Variants in BOLL observed in about 807,000 individuals in gnomAD.
The protein encoded by BOLL is boule RNA binding protein.
In BOLL, 23 loss-of-function variants were observed where a neutral mutation model predicts 44.4. The ratio of observed to expected loss-of-function variants is 0.52; its 90% confidence interval spans 0.37 to 0.73. BOLL has a LOEUF of 0.73. BOLL is among the 30% of genes least tolerant of loss of function. The pLI is 0.00. For synonymous variants in BOLL, 97 were observed against 110.8 expected, an observed-to-expected ratio of 0.88 and a Z score of 0.78; for missense variants, 287 against 338.3, an observed-to-expected ratio of 0.85 and a Z score of 1.19.
intron 9 of BOLL, among the ~76,000 whole-genome samples, chr2:197,744,986 T>C (rs1292874835): frequency 6.6e-6 from 1 of 152,122 alleles, no homozygotes; most frequent in African/African-American, 2.4e-5. Flanking sequence ...GAAATAACCT[T>C]GGACAAGACT....
At chr2:197,750,616 A>G (rs910707353) in intron 9 of BOLL, among the ~76,000 whole-genome samples, 5 of 152,252 alleles carry the variant, frequency 3.3e-5, no homozygotes, top group African/African-American at 1.2e-4. Flanking sequence ...ATATATATGC[A>G]CCCAATACAG....
At chr2:197,784,393 T>TATACATAC (rs1401444402) in intron 1 of BOLL, among the ~76,000 whole-genome samples, 12 of 196 alleles carry the variant, frequency 0.061, no homozygotes, top group Admixed American at 0.1. Flanking sequence ...GTCTAATACA[T>TATACATAC]ATATATATAT....
Position 197,784,391 on chromosome 2 carries a change from C to CATACATATAT in BOLL, c.-16+664_-16+665insATATATGTAT, listed in dbSNP as rs1305139578. On this transcript the variant is annotated intron_variant, in intron 1 of 10. Transcript: ENST00000392296. ...AATACAGTATAACAGCAGTCTAATACATATATATATATATATATATATATA... is the reference window on the plus strand; with the variant it reads ...AATACAGTATAACAGCAGTCTAATACATACATATATATATATATATATATATATATATATA... 6.7e-4 allele frequency among the ~76,000 whole-genome samples: 37 copies of CATACATATAT among 54,998 alleles called. 3 individuals carry two copies. The highest frequency in any genetic ancestry group is 3.1e-3 in the African/African-American group (36 of 11,754). 36.1% of individuals were successfully genotyped at this position (54,998 alleles called of 152,430 possible). A position where few individuals can be genotyped will look rare whatever the true frequency, so the allele number is the denominator to read the frequency against.
chr2:197,779,828 T>C (rs1019554106), intron 2 of BOLL, among the ~76,000 whole-genome samples: 4 of 152,006 alleles, frequency 2.6e-5, no homozygotes, highest in African/African-American at 9.7e-5. Flanking sequence ...GCAATTTCAT[T>C]TCCTGGTTTA....
At chr2:197,752,305 T>C (rs1053563571) in intron 9 of BOLL, among the ~76,000 whole-genome samples, 5 of 152,116 alleles carry the variant, frequency 3.3e-5, no homozygotes, top group African/African-American at 9.7e-5. Flanking sequence ...GCCAGGGCAA[T>C]CAGGCAAGAG....
intron 10 of BOLL, among the ~76,000 whole-genome samples, chr2:197,729,506 G>C (rs1458429613): frequency 1.3e-5 from 2 of 152,166 alleles, no homozygotes; most frequent in African/African-American, 4.8e-5. Context: ...TCCACCTCTG[G>C]GGGCAGGGCA....
Position 197,729,755 on chromosome 2 carries a change from C to G in BOLL, c.829-1177G>C, listed in dbSNP as rs1170447335. The stretch of plus-strand genomic sequence containing the variant: ...CAACAGACCTGCAGCTGAGGGTCCT[C>G]TCTGTTAGAAGGAAAACTAACAAAC... On this transcript the variant is annotated intron_variant, in intron 10 of 10. Coordinates refer to ENST00000392296, the MANE Select transcript of BOLL (RefSeq NM_033030.6). 1.8e-3 allele frequency among the ~76,000 whole-genome samples: 278 copies of G among 151,814 alleles called. 1 individual carries two copies. Among genetic ancestry groups the G allele is most frequent in the African/African-American group, 4.4e-3 (183 of 41,176 alleles).
chr2:197,730,255 T>G (rs1687095467), intron 10 of BOLL, among the ~76,000 whole-genome samples: 1 of 127,720 alleles, frequency 7.8e-6, no homozygotes, highest in East Asian at 2.1e-4. Context: ...AGAAGGGAAG[T>G]TTAGAGAAAA....
chr2:197,786,181 C>G, upstream of BOLL: 3 of 889,864 alleles, frequency 3.4e-6, no homozygotes, highest in Non-Finnish European at 4.8e-6. The surrounding 1 kb of genome is among the most constrained non-coding windows in gnomAD (Gnocchi z 5.9). Context: ...AACCTGCCAC[C>G]TGGCGGGTGG....
chr2:197,738,975 C>T (rs1687620190), intron 10 of BOLL, among the ~76,000 whole-genome samples: 1 of 152,142 alleles, frequency 6.6e-6, no homozygotes, highest in Non-Finnish European at 1.5e-5. Flanking sequence ...AGATAATTTG[C>T]CACATAGTAA....
intron 7 of BOLL, among the ~76,000 whole-genome samples, chr2:197,760,796 A>C (rs1447477422): frequency 6.6e-6 from 1 of 152,234 alleles, no homozygotes; most frequent in South Asian, 2.1e-4. Context: ...ATTATAGTCA[A>C]ATTGTTAAAA....
At chr2:197,733,023 C>T (rs1687282083) in intron 10 of BOLL, among the ~76,000 whole-genome samples, 3 of 138,306 alleles carry the variant, frequency 2.2e-5, no homozygotes, top group Admixed American at 7.4e-5. Context: ...GTCAAATTGT[C>T]CCTGTTTGCA....
intron 8 of BOLL, 128 bp from the exon 9 acceptor site, chr2:197,756,684 A>G (rs1485618973): frequency 3.8e-6 from 3 of 796,372 alleles, no homozygotes; most frequent in Non-Finnish European, 3.6e-6. Context: ...GGAATAGCAC[A>G]GAAGTATCTC....
intron 1 of BOLL, 124 bp from the exon 2 acceptor site, chr2:197,781,989 T>C: frequency 1.4e-6 from 1 of 721,444 alleles, no homozygotes; most frequent in Admixed American, 3.6e-5. Context: ...TATTCTAGGC[T>C]TTACTTTTAA....
At chr2:197,741,918 C>T (rs1165782871) in intron 10 of BOLL, among the ~76,000 whole-genome samples, 1 of 152,146 alleles carries the variant, frequency 6.6e-6, no homozygotes, top group Admixed American at 6.5e-5. Flanking sequence ...ACTCCTCTGA[C>T]AAAGGATATC....
chr2:197,758,987 T>A, intron 7 of BOLL: 1 of 1,535,960 alleles, frequency 6.5e-7, no homozygotes, highest in Non-Finnish European at 8.7e-7. Context: ...TCCATCTTCT[T>A]GTATGACATT....
chr2:197,743,615 G>T (rs1687861088), intron 9 of BOLL, among the ~76,000 whole-genome samples: 1 of 152,182 alleles, frequency 6.6e-6, no homozygotes, highest in Admixed American at 6.5e-5. Flanking sequence ...GTTGATAGAT[G>T]TGGCTCTAGA....
At chr2:197,768,908 A>G (rs1291961344) in intron 6 of BOLL, among the ~76,000 whole-genome samples, 1 of 150,994 alleles carries the variant, frequency 6.6e-6, no homozygotes, top group Non-Finnish European at 1.5e-5. Context: ...TCCTGCATCT[A>G]TTGAGATTAA....
chr2:197,757,434 C>T, intron 7 of BOLL, 34 bp from the exon 8 acceptor site: 1 of 1,582,660 alleles, frequency 6.3e-7, no homozygotes, highest in East Asian at 2.2e-5. Context: ...AAAACCCATT[C>T]TGATTATAAA....
Sources: allele counts gnomAD v4.1 joint callset (sites outside exome capture counted in the v4.1 genomes callset), GRCh38; gene constraint gnomAD v4.1.1; non-coding constraint Gnocchi (gnomAD v3.1); transcripts MANE v1.5; gene names NCBI Gene and HGNC (gene_info 2026-07-23, HGNC 2026-07-21).